LRRC8B: variants seen among roughly 807,000 people sequenced by gnomAD.
LRRC8B encodes volume-regulated anion channel subunit LRRC8B.
LRRC8B carries 23 observed loss-of-function variants against 58.8 expected under a neutral mutation model. The observed-to-expected ratio is 0.39, with a 90% CI of 0.28 to 0.55. The LOEUF is 0.55. Among genes scored for constraint, LRRC8B ranks in the 20% least tolerant of loss-of-function variants. The probability of loss-of-function intolerance (pLI) is 0.62; values close to 1 mark genes in which losing one functional copy is unlikely to be tolerated. For synonymous variants in LRRC8B, 359 were observed against 374.1 expected, an observed-to-expected ratio of 0.96 and a Z score of 0.47; for missense variants, 694 against 936.0, an observed-to-expected ratio of 0.74 and a Z score of 3.37.
intron 1 of LRRC8B, among the ~76,000 whole-genome samples, chr1:89,566,607 A>G (rs1359732453): frequency 6.6e-6 from 1 of 152,230 alleles, no homozygotes; most frequent in Non-Finnish European, 1.5e-5. Flanking sequence ...AGATTTAACT[A>G]TCCCTACAAG....
chr1:89,593,014 C>T lies in LRRC8B; in HGVS notation c.2383C>T (p.Arg795Cys), dbSNP rs1176224737. 11 of 1,613,800 alleles carry T rather than the reference C, an allele frequency of 6.8e-6. No homozygotes were observed. Among genetic ancestry groups the T allele is most frequent in the East Asian group, 2.2e-5 (1 of 44,874 alleles). Residue 795 changes from arginine to cysteine, a missense_variant, in exon 6 of 6, where the codon CGT (arginine) becomes TGT (cysteine). By Grantham distance (180) the Arg-to-Cys change is radical. Coordinates refer to ENST00000330947, the MANE Select transcript of LRRC8B (RefSeq NM_001369817.2). ...LNTLPLPVTE[R>C]LQTCLDKC ...TACTCTTCCTCTCCCTGTAACAGAA[C>T]GTTTACAGACGTGCTTAGACAAATG... is the stretch of plus-strand genomic sequence containing the variant.
At chr1:89,545,736 A>G (rs1651351364) in intron 1 of LRRC8B, among the ~76,000 whole-genome samples, 1 of 152,236 alleles carries the variant, frequency 6.6e-6, no homozygotes, top group Non-Finnish European at 1.5e-5. Flanking sequence ...GTTAAGAACA[A>G]GAAGACAACA....
At chr1:89,572,551 A>G (rs1017768098) in intron 3 of LRRC8B, 1 of 152,214 alleles carries the variant, frequency 6.6e-6, no homozygotes, top group Non-Finnish European at 1.5e-5. Context: ...CAGAAAGGCC[A>G]TCTTCCAACT....
rs1045771211 is a variant in LRRC8B at position 89,557,501 on chromosome 1, A to G, written c.-240-10746A>G. 8.5e-5 allele frequency among the ~76,000 whole-genome samples: 13 copies of G among 152,166 alleles called. No individual in the cohort carries two copies. The South Asian group carries it at 1.5e-3, about 17-fold the overall frequency. On this transcript the variant is annotated intron_variant, in intron 1 of 5. Transcript: ENST00000330947. ...GATATTTATTTTACCACTAATATCA[A>G]TTCTTGAGCCAGTGTGATTATCTGT...
chr1:89,555,370 G>A (rs182019800), intron 1 of LRRC8B, among the ~76,000 whole-genome samples: 342 of 152,260 alleles, frequency 2.2e-3, no homozygotes, highest in Non-Finnish European at 3.1e-3. Flanking sequence ...ATGTCATGTA[G>A]AATTTGGGAT....
At chr1:89,548,067 G>A (rs1413542678) in intron 1 of LRRC8B, among the ~76,000 whole-genome samples, 1 of 152,120 alleles carries the variant, frequency 6.6e-6, no homozygotes, top group Non-Finnish European at 1.5e-5. Flanking sequence ...TAAGTGATTT[G>A]TTTGGAATTA....
intron 1 of LRRC8B, among the ~76,000 whole-genome samples, chr1:89,531,980 C>T (rs1650168300): frequency 6.6e-6 from 1 of 152,114 alleles, no homozygotes; most frequent in African/African-American, 2.4e-5. Flanking sequence ...GGACTTCCTG[C>T]TTCAGATTTG....
rs761708122 is a variant in LRRC8B, at chr1:89,582,724, A to T, written c.74A>T (p.Asp25Val). The change falls in exon 5 of 6, where the codon GAC (aspartate) becomes GTC (valine). Residue 25 changes from aspartate to valine, a missense_variant. By Grantham distance (152) the Asp-to-Val change is radical. Transcript: ENST00000330947. ...SSYHILKPWW[D>V]VFWYYITLIM... ...TATCACATCTTAAAACCATGGTGGG[A>T]CGTCTTCTGGTATTACATCACACTG... is the stretch of plus-strand genomic sequence containing the variant. 6.2e-7 allele frequency: 1 copy of T among 1,614,156 alleles called. No homozygotes were observed. The highest frequency in any genetic ancestry group is 1.1e-5 in the South Asian group (1 of 91,082).
At chr1:89,541,765 G>C (rs1473138951) in intron 1 of LRRC8B, among the ~76,000 whole-genome samples, 1 of 123,786 alleles carries the variant, frequency 8.1e-6, no homozygotes, top group African/African-American at 3.2e-5. Flanking sequence ...CTGTCTGAGA[G>C]ACTCCATAAC....
At chr1:89,570,172 C>T (rs2101006770) in intron 3 of LRRC8B, among the ~76,000 whole-genome samples, 1 of 152,244 alleles carries the variant, frequency 6.6e-6, no homozygotes, top group East Asian at 1.9e-4. Flanking sequence ...AATAATGCTG[C>T]AATGAATATA....
chr1:89,552,021 C>A (rs1224634473), intron 1 of LRRC8B, among the ~76,000 whole-genome samples: 1 of 152,016 alleles, frequency 6.6e-6, no homozygotes, highest in Non-Finnish European at 1.5e-5. Flanking sequence ...ACATTTCATT[C>A]TTATACAGAG....
At chr1:89,591,095 A>G (rs914899505) in intron 5 of LRRC8B, among the ~76,000 whole-genome samples, 6 of 152,166 alleles carry the variant, frequency 3.9e-5, no homozygotes, top group African/African-American at 1.4e-4. Context: ...AAAGTTTTCA[A>G]AGGCAGTCTT....
At chr1:89,536,310 G>A (rs1215839329) in intron 1 of LRRC8B, among the ~76,000 whole-genome samples, 1 of 152,158 alleles carries the variant, frequency 6.6e-6, no homozygotes, top group Non-Finnish European at 1.5e-5. Flanking sequence ...TATGGCACTC[G>A]AATCCTGATA....
intron 5 of LRRC8B, among the ~76,000 whole-genome samples, chr1:89,591,495 G>A (rs1654972035): frequency 6.6e-6 from 1 of 152,090 alleles, no homozygotes. Flanking sequence ...TAATATTTTG[G>A]TGTACAATGA....
chr1:89,567,033 G>C (rs563256419), intron 1 of LRRC8B, among the ~76,000 whole-genome samples: 2 of 152,326 alleles, frequency 1.3e-5, no homozygotes, highest in East Asian at 3.9e-4. Flanking sequence ...TTTTGAAGGG[G>C]TAGATTAGCT....
intron 3 of LRRC8B, among the ~76,000 whole-genome samples, chr1:89,569,452 C>G (rs1242425973): frequency 6.6e-6 from 1 of 152,112 alleles, no homozygotes; most frequent in Admixed American, 6.6e-5. Flanking sequence ...ACTTTCAGCC[C>G]TTGCCTCCCT....
chr1:89,569,715 TTTTTAAC>T (rs1449592338), intron 3 of LRRC8B, among the ~76,000 whole-genome samples: 1 of 152,184 alleles, frequency 6.6e-6, no homozygotes, highest in East Asian at 1.9e-4. Flanking sequence ...CTTTATCTTT[TTTTTAAC>T]TTTTAAGTTC....
chr1:89,580,610 T>A (rs1349270109), intron 4 of LRRC8B, among the ~76,000 whole-genome samples: 1 of 152,142 alleles, frequency 6.6e-6, no homozygotes, highest in Non-Finnish European at 1.5e-5. Context: ...CTGTCTTACC[T>A]CGACACACAA....
At chr1:89,548,027 A>G (rs1231343670) in intron 1 of LRRC8B, among the ~76,000 whole-genome samples, 2 of 152,210 alleles carry the variant, frequency 1.3e-5, no homozygotes, top group African/African-American at 4.8e-5. Context: ...GCAGATGATG[A>G]CAGCCTTTCT....
Sources: allele counts gnomAD v4.1 joint callset (sites outside exome capture counted in the v4.1 genomes callset), GRCh38; gene constraint gnomAD v4.1.1; transcripts MANE v1.5; gene names NCBI Gene and HGNC (gene_info 2026-07-23, HGNC 2026-07-21).